ADAMTSL1: variants seen among roughly 807,000 people sequenced by gnomAD.
The protein encoded by ADAMTSL1 is ADAMTS-like protein 1.
In ADAMTSL1, 126 loss-of-function variants were observed where a neutral mutation model predicts 201.8. The ratio of observed to expected loss-of-function variants is 0.62; its 90% confidence interval spans 0.54 to 0.72. ADAMTSL1 has a LOEUF of 0.72. ADAMTSL1 is among the 30% of genes least tolerant of loss of function. The pLI, the probability that ADAMTSL1 is intolerant of heterozygous loss-of-function variation, is 0.00. For missense variants in ADAMTSL1, 2,679 were observed against 2,277.8 expected, an observed-to-expected ratio of 1.18 and a Z score of -3.59; for synonymous variants, 1,121 against 903.4, an observed-to-expected ratio of 1.24 and a Z score of -4.32.
At chr9:18,879,001 A>T (rs1828355201) in intron 23 of ADAMTSL1, among the ~76,000 whole-genome samples, 1 of 152,168 alleles carries the variant, frequency 6.6e-6, no homozygotes, top group South Asian at 2.1e-4. Flanking sequence ...TGACAATGGA[A>T]CCAGCTGCAC....
chr9:18,017,821 G>C (rs974739074), intron 1 of ADAMTSL1, among the ~76,000 whole-genome samples: 1 of 152,010 alleles, frequency 6.6e-6, no homozygotes, highest in Non-Finnish European at 1.5e-5. Context: ...AAGAAAGATT[G>C]TGTCATTTCT....
intron 9 of ADAMTSL1, among the ~76,000 whole-genome samples, chr9:18,672,193 T>G (rs890541620): frequency 1.3e-5 from 2 of 151,940 alleles, no homozygotes; most frequent in Non-Finnish European, 2.9e-5. Context: ...CTTGTTTTTT[T>G]TTTTTTAACA....
At chr9:18,532,735 G>A (rs980199357) in intron 2 of ADAMTSL1, among the ~76,000 whole-genome samples, 2 of 150,966 alleles carry the variant, frequency 1.3e-5, no homozygotes, top group African/African-American at 4.8e-5. Flanking sequence ...TTGGTAATCT[G>A]TCTTTTCCAA....
chr9:18,392,664 T>C (rs531311761), intron 2 of ADAMTSL1, among the ~76,000 whole-genome samples: 11 of 152,340 alleles, frequency 7.2e-5, no homozygotes, highest in Admixed American at 6.5e-5. Context: ...CTCAAAAACA[T>C]AGTAGGATGA....
chr9:18,028,724 G>A (rs771469013), intron 1 of ADAMTSL1, among the ~76,000 whole-genome samples: 2 of 152,158 alleles, frequency 1.3e-5, no homozygotes, highest in Non-Finnish European at 2.9e-5. Flanking sequence ...TTTTGGCTTA[G>A]GATTGACTTG....
chr9:18,439,624 C>G (rs1003272880), intron 2 of ADAMTSL1, among the ~76,000 whole-genome samples: 1 of 152,200 alleles, frequency 6.6e-6, no homozygotes, highest in Non-Finnish European at 1.5e-5. Flanking sequence ...CTCGGTCTCC[C>G]AAAGTGCTGG....
chr9:17,940,511 A>C (rs557182716), intron 1 of ADAMTSL1, among the ~76,000 whole-genome samples: 1 of 152,094 alleles, frequency 6.6e-6, no homozygotes, highest in East Asian at 1.9e-4. Flanking sequence ...AGAAAAACCA[A>C]TTTAGGGTGG....
chr9:18,131,539 G>A (rs926306955), intron 1 of ADAMTSL1, among the ~76,000 whole-genome samples: 4 of 152,210 alleles, frequency 2.6e-5, no homozygotes, highest in Non-Finnish European at 1.5e-5. Flanking sequence ...TTTCTTTTCC[G>A]AGATTTCACT....
intron 1 of ADAMTSL1, among the ~76,000 whole-genome samples, chr9:18,026,286 G>T (rs1252161218): frequency 6.6e-6 from 1 of 151,926 alleles, no homozygotes. Context: ...TCTTCTTTCA[G>T]TTCTTAAGGG....
intron 1 of ADAMTSL1, among the ~76,000 whole-genome samples, chr9:18,482,392 T>G (rs747059992): frequency 9.9e-5 from 15 of 152,266 alleles, no homozygotes; most frequent in Admixed American, 5.9e-4. Flanking sequence ...CATTTTCATC[T>G]TCATTGCTTT....
intron 3 of ADAMTSL1, among the ~76,000 whole-genome samples, chr9:18,544,219 T>G (rs1394118546): frequency 6.6e-6 from 1 of 152,196 alleles, no homozygotes; most frequent in African/African-American, 2.4e-5. Context: ...AGTTCTTTCT[T>G]CCACATTGCC....
At chr9:17,999,539 A>G (rs1819525585) in intron 1 of ADAMTSL1, among the ~76,000 whole-genome samples, 1 of 152,052 alleles carries the variant, frequency 6.6e-6, no homozygotes, top group Non-Finnish European at 1.5e-5. Context: ...TTTGGCTTCA[A>G]GCTGTCCAAT....
chr9:18,168,723 C>G (rs1328144020), intron 2 of ADAMTSL1, among the ~76,000 whole-genome samples: 1 of 145,418 alleles, frequency 6.9e-6, no homozygotes, highest in African/African-American at 2.5e-5. Context: ...AATGGTTGAA[C>G]TAGTTTACAG....
intron 2 of ADAMTSL1, among the ~76,000 whole-genome samples, chr9:18,254,210 ATAAAACTCTT>A (rs1483387927): frequency 6.6e-6 from 1 of 152,150 alleles, no homozygotes; most frequent in Non-Finnish European, 1.5e-5. Context: ...GATAAACTCT[ATAAAACTCTT>A]AACAAGTAGT....
At chr9:18,206,107 G>T (rs1296660816) in intron 2 of ADAMTSL1, among the ~76,000 whole-genome samples, 3 of 121,908 alleles carry the variant, frequency 2.5e-5, no homozygotes, top group Admixed American at 8.6e-5. Flanking sequence ...CCTAAATTTT[G>T]ACATGGAAAA....
chr9:18,253,752 T>C (rs771812092), intron 2 of ADAMTSL1, among the ~76,000 whole-genome samples: 4 of 152,196 alleles, frequency 2.6e-5, no homozygotes, highest in Non-Finnish European at 5.9e-5. Context: ...AAAGAAATTC[T>C]AGCTAGTAGG....
intron 23 of ADAMTSL1, among the ~76,000 whole-genome samples, chr9:18,878,527 T>G (rs1828316198): frequency 6.6e-6 from 1 of 152,214 alleles, no homozygotes; most frequent in Non-Finnish European, 1.5e-5. Context: ...CAGCTCCTGG[T>G]AAGGTCAAAT....
intron 2 of ADAMTSL1, among the ~76,000 whole-genome samples, chr9:18,206,867 A>C (rs1183605808): frequency 1.3e-5 from 2 of 152,090 alleles, no homozygotes; most frequent in African/African-American, 4.8e-5. Context: ...GCAAGCAAGG[A>C]AAGAAAGTGG....
At chr9:18,833,320 C>T (rs1443819439) in intron 23 of ADAMTSL1, among the ~76,000 whole-genome samples, 2 of 152,202 alleles carry the variant, frequency 1.3e-5, no homozygotes, top group Non-Finnish European at 2.9e-5. Flanking sequence ...ACACTCCCAC[C>T]AACAGTGCAT....
Sources: allele counts gnomAD v4.1 joint callset (sites outside exome capture counted in the v4.1 genomes callset), GRCh38; gene constraint gnomAD v4.1.1; transcripts MANE v1.5; gene names NCBI Gene and HGNC (gene_info 2026-07-23, HGNC 2026-07-21).